Variants in COL19A1 observed in about 807,000 individuals in gnomAD.
The protein encoded by COL19A1 is collagen alpha-1(XIX) chain.
A neutral mutation model predicts 190.2 loss-of-function variants in COL19A1; 159 were observed. The ratio of observed to expected loss-of-function variants is 0.84; its 90% CI spans 0.73 to 0.95. COL19A1 has a LOEUF of 0.95. Ranked by LOEUF, COL19A1 falls within the 40% of genes least tolerant of loss-of-function variation. The pLI, the probability that COL19A1 is intolerant of heterozygous loss-of-function variation, is 0.00. For missense variants in COL19A1, 1,418 were observed against 1,431.9 expected, an observed-to-expected ratio of 0.99 and a Z score of 0.16; for synonymous variants, 509 against 458.9, an observed-to-expected ratio of 1.11 and a Z score of -1.39.
chr6:70,163,623 A>C (rs2150262078), intron 36 of COL19A1, among the ~76,000 whole-genome samples: 1 of 152,304 alleles, frequency 6.6e-6, no homozygotes, highest in Middle Eastern at 3.4e-3. Context: ...TGGTTCCATA[A>C]AACAAAAGTT....
intron 45 of COL19A1, 64 bp from the exon 46 acceptor site, chr6:70,184,807 C>T (rs1054969052): frequency 1.9e-6 from 3 of 1,604,352 alleles, no homozygotes; most frequent in Non-Finnish European, 2.6e-6. Flanking sequence ...CCAACATTTA[C>T]ATCAATCAGA....
At chr6:69,868,177 A>G (rs1288731922) in intron 1 of COL19A1, among the ~76,000 whole-genome samples, 5 of 150,962 alleles carry the variant, frequency 3.3e-5, no homozygotes, top group East Asian at 1.9e-4. Flanking sequence ...AAACACTGCT[A>G]TAATTCTTTA....
intron 18 of COL19A1, among the ~76,000 whole-genome samples, chr6:70,137,049 A>T (rs1785915148): frequency 6.7e-6 from 1 of 148,446 alleles, no homozygotes; most frequent in African/African-American, 2.6e-5. Context: ...ATTACTTCTC[A>T]AATTATATTT....
chr6:69,887,845 C>A (rs998858275), intron 2 of COL19A1, among the ~76,000 whole-genome samples: 1 of 151,994 alleles, frequency 6.6e-6, no homozygotes, highest in African/African-American at 2.4e-5. Flanking sequence ...TGATTGAATC[C>A]CAGGTTCCAC....
intron 17 of COL19A1, among the ~76,000 whole-genome samples, chr6:70,126,498 C>T (rs1041882134): frequency 6.6e-6 from 1 of 152,230 alleles, no homozygotes; most frequent in Admixed American, 6.5e-5. Context: ...GGTTTGATTA[C>T]AGACAGCCCC....
chr6:69,923,875 A>G (rs1772173265), intron 4 of COL19A1, among the ~76,000 whole-genome samples: 1 of 152,192 alleles, frequency 6.6e-6, no homozygotes. Flanking sequence ...AAAGGCTGGG[A>G]TGCTTTTGGG....
Position 69,899,038 on chromosome 6 carries a change from C to T in COL19A1, c.166+16C>T. The T allele has an allele frequency of 6.5e-7, 1 of 1,535,392 alleles. No individual in the cohort carries two copies. Among genetic ancestry groups the T allele is most frequent in the East Asian group, 2.3e-5 (1 of 44,378 alleles). On this transcript the variant is annotated intron_variant, in intron 3 of 50. Transcript: ENST00000620364. ...GAAGTTTCAGGTAGGCAATATAATC[C>T]TTTGCAAAGTAATATTTTATGTAAA...
At chr6:69,899,526 A>G (rs1048157972) in intron 3 of COL19A1, among the ~76,000 whole-genome samples, 3 of 152,198 alleles carry the variant, frequency 2.0e-5, no homozygotes, top group Non-Finnish European at 4.4e-5. Context: ...TGTGATCAAC[A>G]ATACCTCAAC....
At chr6:69,933,381 GA>G (rs1341097640) in intron 7 of COL19A1, among the ~76,000 whole-genome samples, 1 of 152,030 alleles carries the variant, frequency 6.6e-6, no homozygotes, top group East Asian at 1.9e-4. Flanking sequence ...AGCATAACCA[GA>G]ATAAGTCTGA....
intron 17 of COL19A1, among the ~76,000 whole-genome samples, chr6:70,125,370 T>C (rs1329023409): frequency 6.6e-6 from 1 of 152,134 alleles, no homozygotes; most frequent in East Asian, 1.9e-4. Context: ...CATGGGAGAA[T>C]GAGTAACAGA....
intron 2 of COL19A1, among the ~76,000 whole-genome samples, chr6:69,893,749 T>C (rs1769523813): frequency 6.6e-6 from 1 of 152,218 alleles, no homozygotes; most frequent in Non-Finnish European, 1.5e-5. Flanking sequence ...ATCCAAGAGA[T>C]AATCAACTAA....
chr6:70,208,423 A>G lies in COL19A1; in HGVS notation c.*1149A>G, dbSNP rs1409614465. 1 of 152,288 alleles carries G rather than the reference A, an allele frequency of 6.6e-6. No individual in the cohort carries two copies. The highest frequency in any genetic ancestry group is 1.5e-5 in the Non-Finnish European group (1 of 68,082). The allele number at this position is 152,288 out of a possible 1,614,324, so 9.4% of individuals were successfully genotyped here. ...ACAAAGGAAAACCACAGGACTGGAT[A>G]TGCAACTAGTGCTCAGACCAAAGAG... On this transcript the variant is annotated 3_prime_UTR_variant, in exon 51 of 51. Coordinates refer to ENST00000620364, the MANE Select transcript of COL19A1 (RefSeq NM_001858.6).
intron 2 of COL19A1, among the ~76,000 whole-genome samples, chr6:69,896,405 C>A (rs1388931361): frequency 6.6e-6 from 1 of 151,622 alleles, no homozygotes; most frequent in Non-Finnish European, 1.5e-5. Context: ...GGCGCGGTGG[C>A]GGGTGCCTGT....
At chr6:70,194,477 T>C (rs1221964890) in intron 48 of COL19A1, among the ~76,000 whole-genome samples, 6 of 152,198 alleles carry the variant, frequency 3.9e-5, no homozygotes, top group African/African-American at 7.2e-5. Flanking sequence ...AGGTTCCAGA[T>C]TGATCACTAT....
At chr6:70,002,792 ATGT>A (rs1432244207) in intron 11 of COL19A1, among the ~76,000 whole-genome samples, 3 of 141,362 alleles carry the variant, frequency 2.1e-5, no homozygotes, top group African/African-American at 5.2e-5. Flanking sequence ...TGATCTATCC[ATGT>A]TGTTGTTGGT....
chr6:70,157,849 A>G (rs1787540273), intron 34 of COL19A1, among the ~76,000 whole-genome samples: 1 of 152,308 alleles, frequency 6.6e-6, no homozygotes, highest in Admixed American at 6.5e-5. Context: ...GAAGGTAATA[A>G]CAAAAAGATC....
chr6:69,937,979 T>C, intron 8 of COL19A1, 59 bp from the exon 9 acceptor site: 1 of 1,524,592 alleles, frequency 6.6e-7, no homozygotes, highest in Non-Finnish European at 9.1e-7. Flanking sequence ...TTATAAACCA[T>C]TTGGCTTTAG....
intron 15 of COL19A1, among the ~76,000 whole-genome samples, chr6:70,076,873 A>T (rs923770695): frequency 4.6e-5 from 7 of 152,226 alleles, no homozygotes; most frequent in African/African-American, 1.7e-4. Context: ...ATCTTTATTC[A>T]GAACATTACA....
intron 35 of COL19A1, 78 bp from the exon 36 acceptor site, chr6:70,163,265 G>C (rs1787921740): frequency 1.5e-6 from 2 of 1,349,090 alleles, no homozygotes; most frequent in Non-Finnish European, 2.1e-6. Flanking sequence ...AAATGTGTAA[G>C]TTTTAGTAAC....
Sources: gnomAD v4.1 joint callset for allele counts (sites outside exome capture counted in the v4.1 genomes callset) on GRCh38, gnomAD v4.1.1 for gene constraint, MANE v1.5 for transcripts, NCBI Gene and HGNC (gene_info 2026-07-23, HGNC 2026-07-21) for gene names.